Variants in ASIC2 observed in about 807,000 individuals in gnomAD.
The protein encoded by ASIC2 is acid sensing ion channel subunit 2, also known as acid-sensing ion channel 2.
In ASIC2, 25 loss-of-function variants were observed where a neutral mutation model predicts 57.3. The ratio of observed to expected loss-of-function variants is 0.44; its 90% confidence interval spans 0.32 to 0.61. ASIC2 has a LOEUF of 0.61. Among genes scored for constraint, ASIC2 ranks in the 20% least tolerant of loss-of-function variants. The pLI, the probability that ASIC2 is intolerant of heterozygous loss-of-function variation, is 0.06. For synonymous variants in ASIC2, 319 were observed against 307.5 expected (o/e 1.04, Z -0.39); for missense variants, 641 against 738.1 (o/e 0.87, Z 1.52).
At chr17:33,077,990 A>T (rs1050035263) in intron 3 of ASIC2, among the ~76,000 whole-genome samples, 3 of 151,888 alleles carry the variant, frequency 2.0e-5, no homozygotes, top group African/African-American at 7.3e-5. Flanking sequence ...TTCCCCCTTT[A>T]AAAAAAAGTC....
chr17:33,340,797 G>A (rs1303615244), intron 1 of ASIC2, among the ~76,000 whole-genome samples: 2 of 152,094 alleles, frequency 1.3e-5, no homozygotes, highest in African/African-American at 4.8e-5. Flanking sequence ...GTGTGTGAAT[G>A]AATATGTTCA....
chr17:33,285,724 G>A (rs773914659), intron 1 of ASIC2, among the ~76,000 whole-genome samples: 23 of 152,186 alleles, frequency 1.5e-4, no homozygotes, highest in Admixed American at 8.5e-4. Context: ...CCCAAGCTTT[G>A]TCACCTGCTG....
chr17:33,240,732 A>G (rs319761), intron 1 of ASIC2, among the ~76,000 whole-genome samples: 14,774 of 152,048 alleles, frequency 0.097, 748 homozygotes, highest in Middle Eastern at 0.16. Flanking sequence ...CCATCTCCCA[A>G]TCCTGCGGGG....
At chr17:33,382,587 C>G (rs909961076) in intron 1 of ASIC2, among the ~76,000 whole-genome samples, 2 of 152,204 alleles carry the variant, frequency 1.3e-5, no homozygotes, top group Non-Finnish European at 2.9e-5. Context: ...CCCTGCAGAC[C>G]TATTACATGT....
intron 1 of ASIC2, among the ~76,000 whole-genome samples, chr17:33,219,823 A>C (rs1907628609): frequency 2.0e-5 from 3 of 152,188 alleles, no homozygotes; most frequent in Admixed American, 1.3e-4. Context: ...TGTTGAGCCT[A>C]GTCAAGTCTG....
intron 1 of ASIC2, among the ~76,000 whole-genome samples, chr17:33,258,266 G>A (rs987826379): frequency 1.3e-5 from 2 of 152,144 alleles, no homozygotes; most frequent in Non-Finnish European, 2.9e-5. Context: ...GGGATATGGG[G>A]TCAAGAATGC....
chr17:33,592,543 G>A (rs1235217187), intron 1 of ASIC2, among the ~76,000 whole-genome samples: 6 of 152,226 alleles, frequency 3.9e-5, no homozygotes, highest in Non-Finnish European at 8.8e-5. Context: ...TCAGCACTTT[G>A]CGATTTACAA....
intron 3 of ASIC2, among the ~76,000 whole-genome samples, chr17:33,059,080 A>G (rs2092010306): frequency 6.6e-6 from 1 of 152,042 alleles, no homozygotes; most frequent in African/African-American, 2.4e-5. Flanking sequence ...AAAACCAAAA[A>G]CCAAACCCAC....
upstream of ASIC2, among the ~76,000 whole-genome samples, chr17:33,297,437 T>C (rs768205855): frequency 4.6e-5 from 7 of 152,162 alleles, no homozygotes; most frequent in Non-Finnish European, 1.0e-4. Flanking sequence ...GAAACAGCAA[T>C]GATGGGTTCT....
intron 1 of ASIC2, among the ~76,000 whole-genome samples, chr17:33,629,782 G>T (rs775825427): frequency 6.6e-6 from 1 of 152,220 alleles, no homozygotes; most frequent in African/African-American, 2.4e-5. Flanking sequence ...AGCAAACCCA[G>T]TTCTGCCAGA....
At chr17:33,140,755 C>T (rs56403075) in intron 1 of ASIC2, among the ~76,000 whole-genome samples, 2,546 of 152,344 alleles carry the variant, frequency 0.017, 33 homozygotes, top group Non-Finnish European at 0.024. Context: ...AAGAGACCCA[C>T]GGCTCCCTGT....
At chr17:33,136,417 A>T (rs1360773105) in intron 1 of ASIC2, among the ~76,000 whole-genome samples, 3 of 152,246 alleles carry the variant, frequency 2.0e-5, no homozygotes, top group Non-Finnish European at 2.9e-5. Flanking sequence ...ATGCACATGC[A>T]TGCTTGAATA....
intron 1 of ASIC2, among the ~76,000 whole-genome samples, chr17:33,894,346 CGTGCGTGTGTGTGT>C (rs1284210544): frequency 3.4e-5 from 3 of 87,324 alleles, no homozygotes; most frequent in East Asian, 7.2e-4. Flanking sequence ...TGCGTGCGTG[CGTGCGTGTGTGTGT>C]GTGTGTGTGT....
Position 33,149,976 on chromosome 17 carries a change from T to A in ASIC2, c.709-37909A>T, listed in dbSNP as rs973401605. Among the ~76,000 whole-genome samples the A allele has an allele frequency of 2.0e-5, 3 of 152,200 alleles. No individual in the cohort carries two copies. The East Asian group carries it at 5.8e-4, about 29-fold the overall frequency. The stretch of plus-strand genomic sequence containing the variant: ...AATTCATGAGGTTCATAACAATGAA[T>A]TGGGTGCTTGCTAATTATTTTAAGA... On this transcript the variant is annotated intron_variant, in intron 1 of 9. Transcript: ENST00000225823.
chr17:33,745,343 G>A (rs1167333844), intron 1 of ASIC2, among the ~76,000 whole-genome samples: 3 of 151,890 alleles, frequency 2.0e-5, no homozygotes, highest in African/African-American at 7.3e-5. Flanking sequence ...AGGTCAAAAT[G>A]TAAAAAGAGA....
intron 1 of ASIC2, among the ~76,000 whole-genome samples, chr17:33,805,364 G>T (rs780782053): frequency 6.6e-6 from 1 of 152,100 alleles, no homozygotes; most frequent in Admixed American, 6.5e-5. Flanking sequence ...GGGGGAGTTT[G>T]GTCAATGGTT....
At chr17:34,098,205 GCAGA>G (rs1169880251) in intron 1 of ASIC2, among the ~76,000 whole-genome samples, 1 of 152,164 alleles carries the variant, frequency 6.6e-6, no homozygotes, top group African/African-American at 2.4e-5. Flanking sequence ...CTGTCACTGT[GCAGA>G]CAAAGCGCAT....
At chr17:33,768,199 T>A (rs1206805142) in intron 1 of ASIC2, among the ~76,000 whole-genome samples, 1 of 151,938 alleles carries the variant, frequency 6.6e-6, no homozygotes, top group Non-Finnish European at 1.5e-5. Flanking sequence ...TTATTTTTTT[T>A]ATTAGAGATG....
At chr17:33,155,195 C>T (rs1904950211) in intron 1 of ASIC2, among the ~76,000 whole-genome samples, 1 of 152,258 alleles carries the variant, frequency 6.6e-6, no homozygotes, top group African/African-American at 2.4e-5. Flanking sequence ...CCACACCTGG[C>T]ATTGGCTGGG....
Sources: allele counts gnomAD v4.1 joint callset (sites outside exome capture counted in the v4.1 genomes callset), GRCh38; gene constraint gnomAD v4.1.1; transcripts MANE v1.5; gene names NCBI Gene and HGNC (gene_info 2026-07-23, HGNC 2026-07-21).